The following MTMR2 variants were observed in gnomAD, a reference collection of about 807,000 sequenced individuals.
MTMR2 encodes phosphatidylinositol-3,5-bisphosphate 3-phosphatase MTMR2.
In MTMR2, 55 loss-of-function variants were observed where a neutral mutation model predicts 86.9. The ratio of observed to expected loss-of-function variants is 0.63; its 90% CI spans 0.51 to 0.79. The LOEUF is 0.79. MTMR2 is among the 30% of genes least tolerant of loss of function. The probability of loss-of-function intolerance (pLI) is 0.00; values close to 1 mark genes in which losing one functional copy is unlikely to be tolerated. For missense variants in MTMR2, 659 were observed against 772.3 expected (o/e 0.85, Z 1.74); for synonymous variants, 241 against 266.8 (o/e 0.90, Z 0.94).
intron 1 of MTMR2, among the ~76,000 whole-genome samples, chr11:95,918,333 A>G (rs1866785110): frequency 6.6e-6 from 1 of 152,236 alleles, no homozygotes; most frequent in African/African-American, 2.4e-5. Context: ...TGCATTTTTA[A>G]CAAATCCCAA....
intron 2 of MTMR2, among the ~76,000 whole-genome samples, chr11:95,881,652 A>G (rs561320856): frequency 6.6e-6 from 1 of 152,206 alleles, no homozygotes; most frequent in South Asian, 2.1e-4. Flanking sequence ...CTAAGGTACA[A>G]AAGCATGATC....
chr11:95,915,342 C>A lies in MTMR2; in HGVS notation c.80+8533G>T, dbSNP rs538563985. ...CTGCTATCAGTAAAAGCAATTCTGC[C>A]GAGAAGAGAAATGGATATGTTTCTG... is the stretch of plus-strand genomic sequence containing the variant. On this transcript the variant is annotated intron_variant, in intron 1 of 14. Transcript: ENST00000346299. Among the ~76,000 whole-genome samples the A allele has an allele frequency of 2.6e-5, 4 of 152,028 alleles. No individual in the cohort carries two copies. The South Asian group carries it at 8.3e-4, about 32-fold the overall frequency.
chr11:95,924,094 T>A lies in MTMR2; in HGVS notation c.-140A>T. The A allele has an allele frequency of 8.9e-7, 1 of 1,126,824 alleles. No individual in the cohort carries two copies. The highest frequency in any genetic ancestry group is 2.0e-5 in the Admixed American group (1 of 48,930). 69.8% of individuals were successfully genotyped at this position (1,126,824 alleles called of 1,614,324 possible). Reference sequence around the variant, plus strand: ...GGGAGGGAGACCGGAAGCGGCCATGTTCCCCCAGAGTGCACCGCGCCTGTA... The same window carrying A: ...GGGAGGGAGACCGGAAGCGGCCATGATCCCCCAGAGTGCACCGCGCCTGTA... On this transcript the variant is annotated 5_prime_UTR_variant, in exon 1 of 15. Transcript: ENST00000346299.
chr11:95,877,857 C>T (rs555130), intron 2 of MTMR2, among the ~76,000 whole-genome samples: 42,594 of 151,778 alleles, frequency 0.28, 10,752 homozygotes, highest in African/African-American at 0.68. Flanking sequence ...ACCCTGCTAA[C>T]ACCTTGATTT....
At chr11:95,907,769 A>T (rs1442848221) in intron 1 of MTMR2, 1 of 335,088 alleles carries the variant, frequency 3.0e-6, no homozygotes, top group African/African-American at 2.2e-5. Flanking sequence ...AAACCATATG[A>T]TCATCTCGAC....
intron 12 of MTMR2, 79 bp downstream of exon 12, chr11:95,841,537 CT>C: frequency 1.0e-6 from 1 of 974,596 alleles, no homozygotes; most frequent in African/African-American, 1.6e-5. Context: ...GATCTATAGG[CT>C]AATCAGTGAC....
At chr11:95,875,098 A>G (rs572297810) in intron 2 of MTMR2, among the ~76,000 whole-genome samples, 8 of 152,162 alleles carry the variant, frequency 5.3e-5, no homozygotes, top group African/African-American at 1.9e-4. Context: ...CTCGAGGAGT[A>G]TCTTTGTGGC....
At chr11:95,863,191 T>A (rs574565) in intron 3 of MTMR2, among the ~76,000 whole-genome samples, 11,569 of 152,206 alleles carry the variant, frequency 0.076, 873 homozygotes, top group African/African-American at 0.2. Flanking sequence ...AATCAGCAGA[T>A]AAAGGAGTAT....
intron 1 of MTMR2, among the ~76,000 whole-genome samples, chr11:95,911,526 T>C (rs545999539): frequency 1.4e-4 from 22 of 152,244 alleles, no homozygotes; most frequent in Non-Finnish European, 2.4e-4. Context: ...CCAGCACCAA[T>C]CTCACAGCCT....
intron 1 of MTMR2, among the ~76,000 whole-genome samples, chr11:95,901,563 A>G (rs1430626091): frequency 6.6e-6 from 1 of 152,154 alleles, no homozygotes; most frequent in Non-Finnish European, 1.5e-5. Context: ...TTTGGAATAT[A>G]GTATCAAATT....
At chr11:95,849,076 A>C (rs1011944311) in intron 9 of MTMR2, among the ~76,000 whole-genome samples, 1 of 152,146 alleles carries the variant, frequency 6.6e-6, no homozygotes, top group African/African-American at 2.4e-5. Flanking sequence ...CTTTTCAGTA[A>C]TGGTACCTGC....
At chr11:95,840,319 G>A (rs1863491150) in intron 12 of MTMR2, among the ~76,000 whole-genome samples, 1 of 152,106 alleles carries the variant, frequency 6.6e-6, no homozygotes, top group African/African-American at 2.4e-5. Flanking sequence ...TCTACCAAGA[G>A]TCAAAGGCTA....
intron 2 of MTMR2, among the ~76,000 whole-genome samples, chr11:95,884,208 T>C (rs546055700): frequency 5.3e-4 from 80 of 152,186 alleles, no homozygotes; most frequent in Non-Finnish European, 9.4e-4. Flanking sequence ...GCTAAAGGTA[T>C]ACACATGAAA....
intron 2 of MTMR2, among the ~76,000 whole-genome samples, chr11:95,884,405 A>T (rs1377311448): frequency 1.3e-5 from 2 of 152,168 alleles, no homozygotes; most frequent in Non-Finnish European, 2.9e-5. Context: ...CTTAGCATTT[A>T]AAAAAGTTTA....
chr11:95,877,777 C>G (rs1344978947), intron 2 of MTMR2, among the ~76,000 whole-genome samples: 1 of 151,904 alleles, frequency 6.6e-6, no homozygotes, highest in Non-Finnish European at 1.5e-5. Flanking sequence ...GATGGCTAAC[C>G]CTCATGAGCA....
chr11:95,896,607 T>C (rs1865888986), intron 1 of MTMR2, among the ~76,000 whole-genome samples: 1 of 152,100 alleles, frequency 6.6e-6, no homozygotes, highest in Non-Finnish European at 1.5e-5. Context: ...AGGAAATATT[T>C]GTTAAGGAGT....
At position 95,835,277 on chromosome 11, in the gene MTMR2, A is replaced by C. The variant is rs760965821; in HGVS notation, c.*13T>G. ...AGAGTGTATAGCAATGATGCCCCTG[A>C]TCTTACAGTCCTTTATACAACAGTT... On this transcript the variant is annotated 3_prime_UTR_variant, in exon 15 of 15. Transcript: ENST00000346299. 2.4e-5 allele frequency: 39 copies of C among 1,612,240 alleles called. No individual in the cohort carries two copies. The South Asian group carries it at 3.7e-4, about 15-fold the overall frequency.
At chr11:95,909,296 T>G (rs1866410944) in intron 1 of MTMR2, among the ~76,000 whole-genome samples, 1 of 152,160 alleles carries the variant, frequency 6.6e-6, no homozygotes, top group Admixed American at 6.6e-5. Flanking sequence ...TCACTTATTT[T>G]TTTGCTGTTG....
At chr11:95,861,149 CAA>C (rs566201038) in intron 5 of MTMR2, among the ~76,000 whole-genome samples, 5 of 72,216 alleles carry the variant, frequency 6.9e-5, no homozygotes, top group Admixed American at 1.5e-4. Context: ...GACTCCGTCT[CAA>C]AAAAAAAAAA....
Sources: gnomAD v4.1 joint callset for allele counts (sites outside exome capture counted in the v4.1 genomes callset) on GRCh38, gnomAD v4.1.1 for gene constraint, MANE v1.5 for transcripts, NCBI Gene and HGNC (gene_info 2026-07-23, HGNC 2026-07-21) for gene names.